The following SEMA4D variants were observed in gnomAD, a reference collection of about 807,000 sequenced individuals.
The protein encoded by SEMA4D is semaphorin-4D.
A neutral mutation model predicts 74.8 loss-of-function variants in SEMA4D; 22 were observed. That is an observed-to-expected ratio of 0.29 (90% CI 0.21 to 0.42). The LOEUF is 0.42. Among genes scored for constraint, SEMA4D ranks in the 10% least tolerant of loss-of-function variants. The pLI, the probability that SEMA4D is intolerant of heterozygous loss-of-function variation, is 1.00. For missense variants in SEMA4D, 937 were observed against 1,118.4 expected, an observed-to-expected ratio of 0.84 and a Z score of 2.31; for synonymous variants, 445 against 463.7, an observed-to-expected ratio of 0.96 and a Z score of 0.52.
rs1564637799 is a variant in SEMA4D, at chr9:89,402,852, A to T, written c.252+19T>A. ...CTCAAGCTGGGCTATGTGGACATGC[A>T]GGGGAGCCCAGGACGTACCTCATGC... On this transcript the variant is annotated intron_variant, in intron 4 of 15. Coordinates refer to ENST00000422704, the MANE Select transcript of SEMA4D (RefSeq NM_001371194.2). 6.2e-7 allele frequency: 1 copy of T among 1,607,806 alleles called. No individual in the cohort carries two copies. Among genetic ancestry groups the T allele is most frequent in the Non-Finnish European group, 8.5e-7 (1 of 1,174,974 alleles).
chr9:89,450,407 T>C, intron 2 of SEMA4D: 2 of 1,235,212 alleles, frequency 1.6e-6, no homozygotes, highest in Non-Finnish European at 2.4e-6. Flanking sequence ...CAAGAGCATG[T>C]GAAGATGAGA....
intron 11 of SEMA4D, 119 bp downstream of exon 11, chr9:89,388,517 G>A: frequency 7.9e-7 from 1 of 1,264,190 alleles, no homozygotes; most frequent in Non-Finnish European, 1.1e-6. Flanking sequence ...CTGTCCCAAT[G>A]CAGAGAGCCT....
chr9:89,455,324 G>A (rs987543281), intron 2 of SEMA4D, among the ~76,000 whole-genome samples: 1 of 152,212 alleles, frequency 6.6e-6, no homozygotes, highest in African/African-American at 2.4e-5. Context: ...GCTGTCCCCG[G>A]TCCACCTCAC....
intron 2 of SEMA4D, among the ~76,000 whole-genome samples, chr9:89,416,146 C>T (rs1230442280): frequency 6.6e-6 from 1 of 152,176 alleles, no homozygotes; most frequent in Admixed American, 6.5e-5. Flanking sequence ...AAGTCTGCTG[C>T]TAGTTAGTGC....
intron 1 of SEMA4D, among the ~76,000 whole-genome samples, chr9:89,490,931 C>T (rs867362523): frequency 2.0e-5 from 3 of 152,164 alleles, no homozygotes; most frequent in Non-Finnish European, 4.4e-5. Flanking sequence ...ATAAAAGCAG[C>T]CACAGATGAT....
intron 15 of SEMA4D, among the ~76,000 whole-genome samples, chr9:89,379,874 G>A (rs1384343221): frequency 6.6e-6 from 1 of 152,162 alleles, no homozygotes; most frequent in East Asian, 1.9e-4. Context: ...TCTCACCCGT[G>A]TCCCAGAAGA....
chr9:89,455,941 G>A lies in SEMA4D; in HGVS notation c.-297C>T, dbSNP rs1443491598. ...GCACATGGTTTCTTTCCACTATCTG[G>A]TGTTAGCAGAGTCTGAAACAGAGTT... On this transcript the variant is annotated 5_prime_UTR_variant, in exon 2 of 16. Coordinates refer to ENST00000422704, the MANE Select transcript of SEMA4D (RefSeq NM_001371194.2). 6.6e-6 allele frequency: 1 copy of A among 152,238 alleles called. No homozygotes were observed. The highest frequency in any genetic ancestry group is 2.4e-5 in the African/African-American group (1 of 41,458). The allele number at this position is 152,238 out of a possible 1,614,324, so 9.4% of individuals were successfully genotyped here.
chr9:89,410,818 A>G (rs1844373726), intron 2 of SEMA4D, among the ~76,000 whole-genome samples: 1 of 152,230 alleles, frequency 6.6e-6, no homozygotes, highest in African/African-American at 2.4e-5. Flanking sequence ...ACAGGCCACA[A>G]AGAAATTACC....
At chr9:89,376,872 G>T (rs1413894420), downstream of SEMA4D, 7 of 1,550,826 alleles carry the variant, frequency 4.5e-6, no homozygotes, top group South Asian at 8.3e-5. Context: ...CCCAGGGCGT[G>T]CACGTGCTGT....
intron 2 of SEMA4D, among the ~76,000 whole-genome samples, chr9:89,428,768 C>A (rs1340650980): frequency 6.6e-6 from 1 of 152,248 alleles, no homozygotes; most frequent in Non-Finnish European, 1.5e-5. Context: ...TGACAGACAT[C>A]CCCCAGAAGA....
intron 16 of SEMA4D, chr9:89,364,312 A>C: frequency 8.3e-6 from 3 of 361,768 alleles, no homozygotes; most frequent in Non-Finnish European, 1.6e-5. Flanking sequence ...TGCCACACAC[A>C]TGTCCTGTGA....
chr9:89,409,442 T>C (rs1219920255), intron 2 of SEMA4D, among the ~76,000 whole-genome samples: 3 of 152,304 alleles, frequency 2.0e-5, no homozygotes, highest in Admixed American at 6.5e-5. Context: ...GTTCACCGAC[T>C]GTAGCAAAGG....
intron 1 of SEMA4D, among the ~76,000 whole-genome samples, chr9:89,461,839 A>G (rs2135716457): frequency 6.6e-6 from 1 of 151,072 alleles, no homozygotes. Flanking sequence ...AGTAGCTGGG[A>G]TTACAGGCGT....
chr9:89,486,630 G>A (rs1350697570), intron 1 of SEMA4D, among the ~76,000 whole-genome samples: 1 of 152,194 alleles, frequency 6.6e-6, no homozygotes, highest in African/African-American at 2.4e-5. Flanking sequence ...GACAGGCTGG[G>A]CACAGTGGCT....
At chr9:89,434,824 C>T (rs1850043941) in intron 2 of SEMA4D, among the ~76,000 whole-genome samples, 1 of 152,152 alleles carries the variant, frequency 6.6e-6, no homozygotes, top group Admixed American at 6.5e-5. Context: ...TCTCCAGGGC[C>T]CTGTCAGGGA....
chr9:89,449,447 C>T (rs1039136369), intron 2 of SEMA4D: 7 of 633,104 alleles, frequency 1.1e-5, no homozygotes, highest in Admixed American at 5.2e-5. Context: ...TCGCGGCTTT[C>T]GCTGGCCCTC....
chr9:89,411,671 A>G (rs181284149), intron 2 of SEMA4D, among the ~76,000 whole-genome samples: 21 of 152,340 alleles, frequency 1.4e-4, no homozygotes, highest in Admixed American at 7.2e-4. Flanking sequence ...AAAGACATCC[A>G]TGTTCTGGTT....
intron 1 of SEMA4D, among the ~76,000 whole-genome samples, chr9:89,471,444 CAAT>C (rs1243050374): frequency 6.6e-6 from 1 of 152,126 alleles, no homozygotes; most frequent in African/African-American, 2.4e-5. Flanking sequence ...AAAAATAAAA[CAAT>C]AAAAGAAGTT....
chr9:89,413,295 ACT>A (rs1177091462), intron 2 of SEMA4D, among the ~76,000 whole-genome samples: 1 of 152,130 alleles, frequency 6.6e-6, no homozygotes, highest in Non-Finnish European at 1.5e-5. Flanking sequence ...TGAGCCCCAC[ACT>A]CTTTTGCCTG....
Sources: allele counts gnomAD v4.1 joint callset (sites outside exome capture counted in the v4.1 genomes callset), GRCh38; gene constraint gnomAD v4.1.1; transcripts MANE v1.5; gene names NCBI Gene and HGNC (gene_info 2026-07-23, HGNC 2026-07-21).